The following SLC25A42 variants were observed in gnomAD, a reference collection of about 807,000 sequenced individuals.
The protein encoded by SLC25A42 is solute carrier family 25 member 42.
In SLC25A42, 19 loss-of-function variants were observed where a neutral mutation model predicts 34.7. The observed-to-expected ratio is 0.55, with a 90% CI of 0.38 to 0.80. The LOEUF is 0.80. Ranked by LOEUF, SLC25A42 falls within the 30% of genes least tolerant of loss-of-function variation. SLC25A42 has a pLI of 0.00. For synonymous variants in SLC25A42, 205 were observed against 191.2 expected (o/e 1.07, Z -0.59); for missense variants, 364 against 441.3 (o/e 0.82, Z 1.57).
At chr19:19,087,404 C>T (rs543094370) in intron 1 of SLC25A42, among the ~76,000 whole-genome samples, 2 of 152,200 alleles carry the variant, frequency 1.3e-5, no homozygotes, top group South Asian at 2.1e-4. Context: ...TCTCCTGCCT[C>T]GGCCTCCCGA....
At chr19:19,104,012 T>C (rs1342913679) in intron 3 of SLC25A42, among the ~76,000 whole-genome samples, 1 of 152,140 alleles carries the variant, frequency 6.6e-6, no homozygotes, top group African/African-American at 2.4e-5. Context: ...ATTTAAGCGA[T>C]ACTCCTGCCT....
At chr19:19,093,096 T>C (rs555306720) in intron 1 of SLC25A42, among the ~76,000 whole-genome samples, 7 of 152,150 alleles carry the variant, frequency 4.6e-5, no homozygotes, top group East Asian at 1.9e-4. Flanking sequence ...TCACGGCTCA[T>C]TGAAGCCTCA....
chr19:19,105,210 TTAA>T (rs2059819464), intron 4 of SLC25A42: 1 of 574,932 alleles, frequency 1.7e-6, no homozygotes, highest in Non-Finnish European at 3.1e-6. Flanking sequence ...TGCTACTTTC[TTAA>T]TAAAGGAAAA....
At position 19,109,575 on chromosome 19, in the gene SLC25A42, C is replaced by T. The variant is rs1316768152; in HGVS notation, c.650-994C>T. On this transcript the variant is annotated intron_variant, in intron 7 of 7. Transcript: ENST00000318596. This position sits in a 1 kb window ranked among gnomAD's most constrained non-coding sequence, Gnocchi z 4.1. Reference sequence around the variant, plus strand: ...CCTCCCTAGTAGCTGGGATTACAGGCGCCCACCACCACACCTGGCTAATTT... The same window carrying T: ...CCTCCCTAGTAGCTGGGATTACAGGTGCCCACCACCACACCTGGCTAATTT... 6.6e-6 allele frequency among the ~76,000 whole-genome samples: 1 copy of T among 152,130 alleles called. No individual in the cohort carries two copies. The highest frequency in any genetic ancestry group is 6.5e-5 in the Admixed American group (1 of 15,270).
intron 1 of SLC25A42, among the ~76,000 whole-genome samples, chr19:19,079,655 G>A (rs972540001): frequency 2.0e-5 from 3 of 152,172 alleles, no homozygotes; most frequent in Non-Finnish European, 2.9e-5. Context: ...CCATTCATCT[G>A]TTGATGAGCA....
chr19:19,075,936 G>A (rs1436558462), intron 1 of SLC25A42, among the ~76,000 whole-genome samples: 1 of 152,148 alleles, frequency 6.6e-6, no homozygotes, highest in Non-Finnish European at 1.5e-5. Flanking sequence ...CTTGGTCTTT[G>A]GGGGCAGCAC....
At position 19,109,844 on chromosome 19, in the gene SLC25A42, C is replaced by T. The variant is rs1034150752; in HGVS notation, c.650-725C>T. ...CACACCCACACACCCCGTTTAGACC[C>T]GCAAGACAGAGCAGGGTGAAGTTCA... On this transcript the variant is annotated intron_variant, in intron 7 of 7. Transcript: ENST00000318596. The surrounding 1 kb of genome is among the most constrained non-coding windows in gnomAD (Gnocchi z 4.1). Among the ~76,000 whole-genome samples the T allele has an allele frequency of 4.6e-5, 7 of 152,262 alleles. No homozygotes were observed. Among genetic ancestry groups the T allele is most frequent in the East Asian group, 3.9e-4 (2 of 5,184 alleles).
chr19:19,105,451 T>TG, intron 4 of SLC25A42, 110 bp from the exon 5 acceptor site: 1 of 1,327,962 alleles, frequency 7.5e-7, no homozygotes, highest in East Asian at 2.5e-5. Flanking sequence ...TGCATGGAGA[T>TG]GGGGTCACCC....
chr19:19,080,183 G>C (rs895182306), intron 1 of SLC25A42, among the ~76,000 whole-genome samples: 1 of 152,186 alleles, frequency 6.6e-6, no homozygotes, highest in Non-Finnish European at 1.5e-5. Context: ...GAGGTCCTGG[G>C]AGCTGGTACA....
Position 19,110,596 on chromosome 19 carries a change from C to A in SLC25A42, c.677C>A (p.Pro226His). 1.3e-6 allele frequency: 2 copies of A among 1,481,888 alleles called. No individual in the cohort carries two copies. The highest frequency in any genetic ancestry group is 1.8e-6 in the Non-Finnish European group (2 of 1,120,898). The allele number at this position is 1,481,888 out of a possible 1,614,324, so 91.8% of individuals were successfully genotyped here. A position where few individuals can be genotyped will look rare whatever the true frequency, so the allele number is the denominator to read the frequency against. Residue 226 changes from proline to histidine, a missense_variant, in exon 8 of 8, where the codon CCC becomes CAC. Physicochemically the swap from Pro to His is moderately conservative, Grantham distance 77. Transcript: ENST00000318596. ...REYSGRRQPYPFERMIFGACA... is the reference protein window; with the variant it reads ...REYSGRRQPYHFERMIFGACA... ...TACAGCGGCCGCCGGCAGCCCTACC[C>A]CTTCGAGCGCATGATCTTCGGCGCC...
At position 19,096,183 on chromosome 19, in the gene SLC25A42, T is replaced by C; in HGVS notation, c.59T>C (p.Leu20Pro). 3 of 1,612,650 alleles carry C rather than the reference T, an allele frequency of 1.9e-6. No individual in the cohort carries two copies. The highest frequency in any genetic ancestry group is 2.5e-6 in the Non-Finnish European group (3 of 1,179,864). The change falls in exon 2 of 8, where the codon CTG (leucine) becomes CCG (proline). Residue 20 changes from leucine (L) to proline (P), a missense_variant. Transcript: ENST00000318596. ...VRLHEDAEAVLSSSVSSKRDH... is the reference protein window; with the variant it reads ...VRLHEDAEAVPSSSVSSKRDH... The stretch of plus-strand genomic sequence containing the variant: ...TTGCATGAGGATGCTGAGGCTGTCC[T>C]GTCCTCGTCCGTCTCATCAAAGGCA...
At chr19:19,064,605 G>GT (rs1207128572) in intron 1 of SLC25A42, among the ~76,000 whole-genome samples, 1 of 150,644 alleles carries the variant, frequency 6.6e-6, no homozygotes, top group Non-Finnish European at 1.5e-5. Flanking sequence ...TCATATCCAG[G>GT]TATCTGCTCG....
At chr19:19,102,847 G>A (rs994425208) in intron 3 of SLC25A42, among the ~76,000 whole-genome samples, 1 of 152,114 alleles carries the variant, frequency 6.6e-6, no homozygotes, top group Non-Finnish European at 1.5e-5. Flanking sequence ...CAAACCAGGT[G>A]GCCTCAAACA....
chr19:19,102,725 CAG>C (rs1271208600), intron 3 of SLC25A42, among the ~76,000 whole-genome samples: 2 of 150,784 alleles, frequency 1.3e-5, no homozygotes, highest in African/African-American at 2.5e-5. Flanking sequence ...GCCTGGGTGA[CAG>C]AGAGACTCTG....
chr19:19,107,798 G>A, intron 6 of SLC25A42, 96 bp from the exon 7 acceptor site: 1 of 1,304,350 alleles, frequency 7.7e-7, no homozygotes, highest in Non-Finnish European at 1.1e-6. Flanking sequence ...ACACACCCAG[G>A]CCCAGCCGGC....
intron 1 of SLC25A42, among the ~76,000 whole-genome samples, chr19:19,069,134 C>T (rs1238098997): frequency 1.3e-5 from 2 of 152,156 alleles, no homozygotes; most frequent in Admixed American, 6.5e-5. Flanking sequence ...CCTGGAGGCC[C>T]CACCCTGTTC....
At chr19:19,069,040 A>C (rs2145895825) in intron 1 of SLC25A42, among the ~76,000 whole-genome samples, 1 of 151,976 alleles carries the variant, frequency 6.6e-6, no homozygotes, top group East Asian at 1.9e-4. Flanking sequence ...AAAAAAAAAA[A>C]AAGTATATAA....
chr19:19,097,964 G>A (rs1182923593), intron 2 of SLC25A42, among the ~76,000 whole-genome samples: 18 of 145,002 alleles, frequency 1.2e-4, no homozygotes, highest in Non-Finnish European at 1.1e-4. Context: ...CCCTGTCTCA[G>A]AAAAAAAAAA....
At chr19:19,087,551 G>C (rs1447953896) in intron 1 of SLC25A42, among the ~76,000 whole-genome samples, 1 of 152,190 alleles carries the variant, frequency 6.6e-6, no homozygotes, top group African/African-American at 2.4e-5. Context: ...GCCTCCCAAA[G>C]TGCTGGGATT....
Sources: allele counts gnomAD v4.1 joint callset (sites outside exome capture counted in the v4.1 genomes callset), GRCh38; gene constraint gnomAD v4.1.1; non-coding constraint Gnocchi (gnomAD v3.1); transcripts MANE v1.5; gene names NCBI Gene and HGNC (gene_info 2026-07-23, HGNC 2026-07-21).